Variants in ARMH4 observed in about 807,000 individuals in gnomAD.
The protein encoded by ARMH4 is armadillo-like helical domain-containing protein 4.
In ARMH4, 49 loss-of-function variants were observed where a neutral mutation model predicts 61.9. The observed-to-expected ratio is 0.79, with a 90% CI of 0.63 to 1.00. The LOEUF (loss-of-function observed/expected upper bound fraction) is 1.00, where lower values mean the gene tolerates loss of function less well. ARMH4 is among the 50% of genes least tolerant of loss of function. ARMH4 has a pLI of 0.00. For missense variants in ARMH4, 934 were observed against 930.0 expected (o/e 1.00, Z -0.06); for synonymous variants, 368 against 341.5 (o/e 1.08, Z -0.85).
intron 4 of ARMH4, among the ~76,000 whole-genome samples, chr14:58,115,531 TAAAAC>T (rs1886488863): frequency 6.6e-6 from 1 of 152,110 alleles, no homozygotes. Flanking sequence ...TCAAAGAACT[TAAAAC>T]AGAACTACCA....
At chr14:58,049,790 T>G (rs1884073632) in intron 5 of ARMH4, among the ~76,000 whole-genome samples, 1 of 152,216 alleles carries the variant, frequency 6.6e-6, no homozygotes, top group Admixed American at 6.5e-5. Context: ...GAGAACTCAC[T>G]TCACTCCCTG....
At chr14:58,067,668 G>T (rs1884747202) in intron 5 of ARMH4, among the ~76,000 whole-genome samples, 1 of 152,174 alleles carries the variant, frequency 6.6e-6, no homozygotes, top group Admixed American at 6.5e-5. Flanking sequence ...TAAAGCCAGG[G>T]TTATATAGTT....
chr14:58,029,815 T>C (rs1165864973), intron 5 of ARMH4, among the ~76,000 whole-genome samples: 1 of 152,094 alleles, frequency 6.6e-6, no homozygotes, highest in Admixed American at 6.5e-5. Context: ...AAAAGTTAAA[T>C]AAAATATTGA....
chr14:58,090,768 T>A (rs562299743), intron 5 of ARMH4, among the ~76,000 whole-genome samples: 4 of 150,894 alleles, frequency 2.7e-5, no homozygotes, highest in Non-Finnish European at 5.9e-5. Context: ...TAATCCCAGC[T>A]ACTCGGGCTG....
At chr14:58,054,202 G>C (rs894359529) in intron 5 of ARMH4, among the ~76,000 whole-genome samples, 1 of 152,204 alleles carries the variant, frequency 6.6e-6, no homozygotes, top group Non-Finnish European at 1.5e-5. Context: ...GGCAAGGACA[G>C]TCTGTGACTC....
intron 5 of ARMH4, among the ~76,000 whole-genome samples, chr14:58,069,763 C>G (rs1884823791): frequency 6.6e-6 from 1 of 152,180 alleles, no homozygotes; most frequent in African/African-American, 2.4e-5. Flanking sequence ...AGGTAGCCAA[C>G]ACAAGGATTT....
At position 58,138,679 on chromosome 14, in the gene ARMH4, G is replaced by A. The variant is rs201623625; in HGVS notation, c.680C>T (p.Ala227Val). 18 of 1,613,966 alleles carry A rather than the reference G, an allele frequency of 1.1e-5. No homozygotes were observed. Among genetic ancestry groups the A allele is most frequent in the Non-Finnish European group, 1.5e-5 (18 of 1,180,038 alleles). ...AGAAGTTGTCCTGTGGTCTGTGTCT[G>A]CTTCAAATTTCTCAGTCTTTGGATT... is the stretch of plus-strand genomic sequence containing the variant. ...TTNPKTEKFE[A>V]DTDHRTTSFP... Residue 227 changes from alanine (A) to valine (V), a missense_variant, in exon 2 of 8, where the codon GCA becomes GTA. By Grantham distance (64) the Ala-to-Val change is moderately conservative (BLOSUM62 0). Coordinates refer to ENST00000267485, the MANE Select transcript of ARMH4 (RefSeq NM_001001872.4).
chr14:58,137,922 G>T, intron 2 of ARMH4, 68 bp downstream of exon 2: 2 of 1,440,286 alleles, frequency 1.4e-6, no homozygotes, highest in South Asian at 2.7e-5. Context: ...TTTCTAAATT[G>T]CCATTAAAAA....
At chr14:58,136,268 G>C (rs1279743825) in intron 2 of ARMH4, among the ~76,000 whole-genome samples, 2 of 152,058 alleles carry the variant, frequency 1.3e-5, no homozygotes, top group Admixed American at 6.5e-5. Context: ...TACTTTTTAG[G>C]CTGTACTAAT....
chr14:58,060,930 C>T (rs1884509369), intron 5 of ARMH4, among the ~76,000 whole-genome samples: 1 of 152,184 alleles, frequency 6.6e-6, no homozygotes, highest in Admixed American at 6.5e-5. Context: ...ATCTCTCACC[C>T]CTCCAGGTCC....
At position 58,072,526 on chromosome 14, in the gene ARMH4, C is replaced by T. The variant is rs375891778; in HGVS notation, c.2089+24198G>A. Among the ~76,000 whole-genome samples the T allele has an allele frequency of 4.6e-5, 7 of 152,076 alleles. 1 individual carries two copies. Among genetic ancestry groups the T allele is most frequent in the Admixed American group, 6.5e-5 (1 of 15,280 alleles). ...CTGAGGTCAGGAGTTCAAGACTAGC[C>T]TGGCCAACGTCGTGAAACCCCATCT... On this transcript the variant is annotated intron_variant, in intron 5 of 7. Coordinates refer to ENST00000267485, the MANE Select transcript of ARMH4 (RefSeq NM_001001872.4).
At chr14:58,090,694 T>C (rs1204676725) in intron 5 of ARMH4, among the ~76,000 whole-genome samples, 4 of 149,722 alleles carry the variant, frequency 2.7e-5, no homozygotes, top group African/African-American at 9.9e-5. Flanking sequence ...GCCTAGTCAA[T>C]ATGGTGAAAC....
chr14:58,049,419 T>C (rs939216096), intron 5 of ARMH4, among the ~76,000 whole-genome samples: 4 of 152,192 alleles, frequency 2.6e-5, no homozygotes, highest in African/African-American at 9.7e-5. Flanking sequence ...TTATGCATGA[T>C]AGTTTCAGCA....
At chr14:58,088,492 C>T (rs1046971618) in intron 5 of ARMH4, among the ~76,000 whole-genome samples, 2 of 151,672 alleles carry the variant, frequency 1.3e-5, no homozygotes, top group African/African-American at 2.4e-5. Context: ...CAAGTCTTTG[C>T]TTCTCTTGTC....
At position 58,141,669 on chromosome 14, in the gene ARMH4, C is replaced by T. The variant is rs553299438; in HGVS notation, c.-56-2255G>A. 305 of 358,156 alleles carry T rather than the reference C, an allele frequency of 8.5e-4. 3 individuals carry two copies. The highest frequency in any genetic ancestry group is 6.9e-3 in the South Asian group (288 of 41,676). 22.2% of individuals were successfully genotyped at this position (358,156 alleles called of 1,614,324 possible). ...ACCCCAGGAAGAAGGTCAAATAAGG[C>T]TCTTCCTTCCTTGAAGGGCAGCAGC... On this transcript the variant is annotated intron_variant, in intron 1 of 7. Transcript: ENST00000267485.
At position 58,002,678 on chromosome 14, in the gene ARMH4, C is replaced by T. The variant is rs1882021776; in HGVS notation, c.*2058G>A. ...AGTAATGCCACACCATGCTCACTTA[C>T]TCCCAACCTTAGAAACACTTACAGC... On this transcript the variant is annotated 3_prime_UTR_variant, in exon 8 of 8. Coordinates refer to ENST00000267485, the MANE Select transcript of ARMH4 (RefSeq NM_001001872.4). The T allele has an allele frequency of 6.6e-6, 1 of 152,250 alleles. No individual in the cohort carries two copies. Among genetic ancestry groups the T allele is most frequent in the African/African-American group, 2.4e-5 (1 of 41,476 alleles). The allele number at this position is 152,250 out of a possible 1,614,324, so 9.4% of individuals were successfully genotyped here.
chr14:58,105,643 C>T (rs189703093), intron 4 of ARMH4, among the ~76,000 whole-genome samples: 7 of 150,314 alleles, frequency 4.7e-5, no homozygotes, highest in Admixed American at 2.0e-4. Context: ...GCCGAGATTA[C>T]GCCACTGCAC....
At position 58,133,123 on chromosome 14, in the gene ARMH4, G is replaced by A. The variant is rs769768431; in HGVS notation, c.1588C>T (p.Pro530Ser). The stretch of plus-strand genomic sequence containing the variant: ...GTGGGAGTAACTTCAAAAGACAAAG[G>A]GACGACTGTAGTTGAAATTGTAGTG... The part of the protein sequence containing the change: ...LATTISTTVV[P>S]LSFEVTPTVE... The change falls in exon 3 of 8, where the codon CCT becomes TCT. Residue 530 changes from proline to serine, a missense_variant. Transcript: ENST00000267485. The A allele has an allele frequency of 3.7e-6, 6 of 1,614,050 alleles. No homozygotes were observed. Among genetic ancestry groups the A allele is most frequent in the African/African-American group, 1.3e-5 (1 of 74,916 alleles).
intron 4 of ARMH4, among the ~76,000 whole-genome samples, chr14:58,107,566 C>A (rs549793968): frequency 5.4e-4 from 82 of 152,078 alleles, no homozygotes; most frequent in African/African-American, 1.8e-3. Flanking sequence ...GAGATCGAGA[C>A]CATCCTGGCT....
Sources: allele counts gnomAD v4.1 joint callset (sites outside exome capture counted in the v4.1 genomes callset), GRCh38; gene constraint gnomAD v4.1.1; transcripts MANE v1.5; gene names NCBI Gene and HGNC (gene_info 2026-07-23, HGNC 2026-07-21).